Variants in FRMD4B observed in about 807,000 individuals in gnomAD.
FRMD4B encodes FERM domain-containing protein 4B.
FRMD4B carries 74 observed loss-of-function variants against 141.5 expected under a neutral mutation model. The observed-to-expected ratio is 0.52, with a 90% CI of 0.43 to 0.63. The LOEUF (loss-of-function observed/expected upper bound fraction) is 0.63, where lower values mean the gene tolerates loss of function less well. Ranked by LOEUF, FRMD4B falls within the 30% of genes least tolerant of loss-of-function variation. The pLI, the probability that FRMD4B is intolerant of heterozygous loss-of-function variation, is 0.00. For synonymous variants in FRMD4B, 506 were observed against 467.9 expected, an observed-to-expected ratio of 1.08 and a Z score of -1.05; for missense variants, 1,366 against 1,253.4, an observed-to-expected ratio of 1.09 and a Z score of -1.36.
chr3:69,347,023 AG>A (rs1379447725), intron 1 of FRMD4B, among the ~76,000 whole-genome samples: 1 of 152,250 alleles, frequency 6.6e-6, no homozygotes, highest in Non-Finnish European at 1.5e-5. Flanking sequence ...TCCAATTAAA[AG>A]ATGTAGACTG....
chr3:69,369,899 T>C (rs972392741), intron 1 of FRMD4B, among the ~76,000 whole-genome samples: 4 of 152,206 alleles, frequency 2.6e-5, no homozygotes, highest in South Asian at 2.1e-4. Flanking sequence ...CTTTTTTCTT[T>C]AGCAATGATG....
At chr3:69,402,883 G>A (rs1704590269) in intron 2 of FRMD4B, among the ~76,000 whole-genome samples, 1 of 152,198 alleles carries the variant, frequency 6.6e-6, no homozygotes, top group Admixed American at 6.5e-5. Context: ...ATCACTGGAT[G>A]GAGAGTGATT....
intron 5 of FRMD4B, among the ~76,000 whole-genome samples, chr3:69,268,753 T>C (rs576313518): frequency 6.6e-6 from 1 of 152,034 alleles, no homozygotes; most frequent in East Asian, 1.9e-4. Flanking sequence ...CTGGCTGTTT[T>C]GCATGAATAA....
Position 69,193,873 on chromosome 3 carries a change from C to T in FRMD4B, c.1489G>A (p.Asp497Asn), listed in dbSNP as rs756517254. 1.3e-6 allele frequency: 2 copies of T among 1,578,310 alleles called. No individual in the cohort carries two copies. The highest frequency in any genetic ancestry group is 1.7e-6 in the Non-Finnish European group (2 of 1,151,108). ...LDDNLLPSEE[D>N]PALQELESNF... is the part of the protein sequence containing the mutation. ...CTCTCCAGTTCTTGCAAAGCAGGAT[C>T]CTGCATTTATACAATGATAGTTTTA... The change falls in exon 17 of 23, where the codon GAT becomes AAT. Residue 497 changes from aspartate to asparagine, a missense_variant and splice_region_variant. By Grantham distance (23) the Asp-to-Asn change is conservative. Coordinates refer to ENST00000398540, the MANE Select transcript of FRMD4B (RefSeq NM_015123.3).
chr3:69,439,060 T>C (rs1469019502), intron 1 of FRMD4B, among the ~76,000 whole-genome samples: 1 of 47,078 alleles, frequency 2.1e-5, no homozygotes, highest in Non-Finnish European at 3.5e-5. Flanking sequence ...CGTGTGTGTG[T>C]ATGTGTGTGT....
intron 2 of FRMD4B, 129 bp from the exon 3 acceptor site, chr3:69,311,486 T>C: frequency 3.4e-6 from 2 of 595,206 alleles, no homozygotes; most frequent in Non-Finnish European, 6.1e-6. Flanking sequence ...TTGCCCTTGT[T>C]TGTGGATTAG....
At position 69,270,597 on chromosome 3, in the gene FRMD4B, C is replaced by T. The variant is rs995426773; in HGVS notation, c.501+17155G>A. Among the ~76,000 whole-genome samples, 10 of 144,458 alleles carry T rather than the reference C, an allele frequency of 6.9e-5. No homozygotes were observed. In the East Asian group the frequency reaches 1.7e-3, roughly 25 times the overall value. 94.8% of individuals were successfully genotyped at this position (144,458 alleles called of 152,430 possible). On this transcript the variant is annotated intron_variant, in intron 5 of 22. Transcript: ENST00000398540. ...TTTTTTTTTTTTTGAGACGGAGTCT[C>T]GCTCTCTCTCCAGGCTATAGTGCAG...
rs2093051822 is a variant in FRMD4B at position 69,209,086 on chromosome 3, G to A, written c.876+7177C>T. Among the ~76,000 whole-genome samples the A allele has an allele frequency of 2.0e-5, 3 of 151,596 alleles. No homozygotes were observed. In the South Asian group the frequency reaches 6.3e-4, roughly 32 times the overall value. The stretch of plus-strand genomic sequence containing the variant: ...TCGAACCTGGGAGGTGGAGGTTGCA[G>A]TGAGCCAAGATCACGCCACTGCACT... On this transcript the variant is annotated intron_variant, in intron 11 of 22. Transcript: ENST00000398540.
At chr3:69,467,536 C>T (rs1047847367) in intron 1 of FRMD4B, among the ~76,000 whole-genome samples, 3 of 152,210 alleles carry the variant, frequency 2.0e-5, no homozygotes, top group Admixed American at 1.3e-4. Flanking sequence ...TTGTTTCAAT[C>T]CCTGCTCTCC....
At chr3:69,283,299 G>A (rs1275016726) in intron 5 of FRMD4B, among the ~76,000 whole-genome samples, 1 of 151,922 alleles carries the variant, frequency 6.6e-6, no homozygotes, top group African/African-American at 2.4e-5. Context: ...GCAGAGAATC[G>A]CTTGAGCCCA....
Position 69,181,083 on chromosome 3 carries a change from G to T in FRMD4B, c.2667C>A (p.Asn889Lys). The T allele has an allele frequency of 6.2e-7, 1 of 1,614,032 alleles. No homozygotes were observed. Among genetic ancestry groups the T allele is most frequent in the Non-Finnish European group, 8.5e-7 (1 of 1,179,892 alleles). The change falls in exon 21 of 23, where the codon AAC becomes AAA. Residue 889 changes from asparagine to lysine, a missense_variant. Transcript: ENST00000398540. ...AAAKSEHITK[N>K]IHKALVAEHL... is the part of the protein sequence containing the mutation. The stretch of plus-strand genomic sequence containing the variant: ...GCTCGGCAACTAAGGCCTTGTGGAT[G>T]TTTTTGGTGATGTGCTCCGATTTTG...
chr3:69,375,311 T>A (rs150876841), intron 1 of FRMD4B, among the ~76,000 whole-genome samples: 3 of 148,030 alleles, frequency 2.0e-5, no homozygotes, highest in African/African-American at 5.0e-5. Flanking sequence ...CCATCCATCC[T>A]TCCTTCCATC....
intron 1 of FRMD4B, among the ~76,000 whole-genome samples, chr3:69,536,929 G>A (rs565015086): frequency 3.1e-4 from 47 of 152,084 alleles, no homozygotes; most frequent in Non-Finnish European, 4.9e-4. Flanking sequence ...AAAATTTTAA[G>A]TAGGAATGAG....
intron 11 of FRMD4B, 77 bp downstream of exon 11, chr3:69,216,186 G>C: frequency 1.2e-6 from 1 of 814,298 alleles, no homozygotes; most frequent in Non-Finnish European, 2.1e-6. Context: ...ACAACCTAAT[G>C]GTGTGTGCTT....
intron 1 of FRMD4B, among the ~76,000 whole-genome samples, chr3:69,480,051 G>T (rs1269812703): frequency 6.6e-6 from 1 of 152,256 alleles, no homozygotes; most frequent in Admixed American, 6.5e-5. Flanking sequence ...TTGGCTTTCA[G>T]GTCCATCAGC....
chr3:69,316,500 T>TA lies in FRMD4B; in HGVS notation c.163-2984dup, dbSNP rs200299553. ...GTCAAGATTTGAATTAATGTCTAACTAAAAAAAAAAAAAAGTCATCTTTTT... is the reference window on the plus strand; with the variant it reads ...GTCAAGATTTGAATTAATGTCTAACTAAAAAAAAAAAAAAAGTCATCTTTTT... On this transcript the variant is annotated intron_variant, in intron 1 of 22. Transcript: ENST00000398540. Among the ~76,000 whole-genome samples, 672 of 127,718 alleles carry TA rather than the reference T, an allele frequency of 5.3e-3. 1 individual carries two copies. The highest frequency in any genetic ancestry group is 0.011 in the African/African-American group (369 of 33,828). The allele number at this position is 127,718 out of a possible 152,430, so 83.8% of individuals were successfully genotyped here. A position where few individuals can be genotyped will look rare whatever the true frequency, so the allele number is the denominator to read the frequency against.
intron 1 of FRMD4B, among the ~76,000 whole-genome samples, chr3:69,370,862 C>CCACTCT (rs745362656): frequency 6.0e-4 from 91 of 152,216 alleles, no homozygotes; most frequent in Non-Finnish European, 2.9e-4. Flanking sequence ...GTGGCTGGAG[C>CCACTCT]AGGCTTCTTA....
chr3:69,407,049 C>T (rs1704661298), intron 2 of FRMD4B, among the ~76,000 whole-genome samples: 1 of 151,556 alleles, frequency 6.6e-6, no homozygotes, highest in Non-Finnish European at 1.5e-5. Flanking sequence ...AGCCTAATGT[C>T]AGGTTTTTAA....
intron 5 of FRMD4B, among the ~76,000 whole-genome samples, chr3:69,277,685 C>T (rs1264210440): frequency 1.3e-5 from 2 of 151,712 alleles, no homozygotes; most frequent in Non-Finnish European, 2.9e-5. Flanking sequence ...GCACGCACCA[C>T]CACGCCCAGC....
Sources: gnomAD v4.1 joint callset for allele counts (sites outside exome capture counted in the v4.1 genomes callset) on GRCh38, gnomAD v4.1.1 for gene constraint, MANE v1.5 for transcripts, NCBI Gene and HGNC (gene_info 2026-07-23, HGNC 2026-07-21) for gene names.